Variants in FAM120C observed in about 807,000 individuals in gnomAD.
FAM120C encodes the protein constitutive coactivator of PPAR-gamma-like protein 2.
In FAM120C, 14 loss-of-function variants were observed where a neutral mutation model predicts 71.2. The ratio of observed to expected loss-of-function variants is 0.20; its 90% CI spans 0.13 to 0.31. The LOEUF (loss-of-function observed/expected upper bound fraction) is 0.31. Among genes scored for constraint, FAM120C ranks in the 10% least tolerant of loss-of-function variants. The pLI, the probability that FAM120C is intolerant of heterozygous loss-of-function variation, is 1.00. For synonymous variants in FAM120C, 354 were observed against 353.2 expected (o/e 1.00, Z -0.03); for missense variants, 500 against 879.0 (o/e 0.57, Z 5.45).
intron 4 of FAM120C, among the ~76,000 whole-genome samples, chrX:54,150,176 G>C (rs1328336431): frequency 2.7e-5 from 3 of 111,764 alleles, no homozygotes; most frequent in Non-Finnish European, 5.6e-5. Context: ...GAAAATATAG[G>C]TCAACAATCC....
intron 11 of FAM120C, 72 bp downstream of exon 11, chrX:54,091,239 GA>G (rs1159405323): frequency 1.0e-2 from 5,680 of 568,612 alleles, no homozygotes; most frequent in Admixed American, 0.015. Flanking sequence ...TCAGCTTCAG[GA>G]AAAAAAAAAG....
intron 1 of FAM120C, among the ~76,000 whole-genome samples, chrX:54,165,605 C>T (rs911479523): frequency 2.7e-5 from 3 of 109,509 alleles, no homozygotes; most frequent in Non-Finnish European, 3.8e-5. Flanking sequence ...GGTGAAACCC[C>T]GTCTCTACTA....
chrX:54,083,871 C>T (rs183260714), intron 13 of FAM120C, among the ~76,000 whole-genome samples: 282 of 110,630 alleles, frequency 2.5e-3, no homozygotes, highest in Admixed American at 8.8e-3. Flanking sequence ...AGGTGCCCGC[C>T]ACCATGCCCG....
rs1387074545 is a variant in FAM120C, at chrX:54,071,124, G to A, written c.*1909C>T. The stretch of plus-strand genomic sequence containing the variant: ...AAGAATATCACAAAGCCCAAAAGGA[G>A]GTATATGAGGCTGGAAGCCTCAATT... On this transcript the variant is annotated 3_prime_UTR_variant, in exon 16 of 16. Transcript: ENST00000375180. 4 of 112,152 alleles carry A rather than the reference G, an allele frequency of 3.6e-5. No homozygotes were observed. Among genetic ancestry groups the A allele is most frequent in the Non-Finnish European group, 7.5e-5 (4 of 53,227 alleles). 9.2% of individuals were successfully genotyped at this position (112,152 alleles called of 1,213,427 possible).
intron 10 of FAM120C, among the ~76,000 whole-genome samples, chrX:54,100,028 C>A (rs1275160157): frequency 8.9e-6 from 1 of 112,091 alleles, no homozygotes; most frequent in Non-Finnish European, 1.9e-5. Flanking sequence ...CCCAAACTCT[C>A]ATCTGTGAGC....
chrX:54,073,507 G>A, intron 15 of FAM120C, among the ~76,000 whole-genome samples: 1 of 108,428 alleles, frequency 9.2e-6, no homozygotes, highest in Non-Finnish European at 1.9e-5. Context: ...TCGGCTCACT[G>A]TAACCTCTGT....
intron 9 of FAM120C, among the ~76,000 whole-genome samples, chrX:54,128,780 G>C (rs1311433252): frequency 2.8e-5 from 3 of 108,232 alleles, no homozygotes; most frequent in African/African-American, 9.8e-5. Flanking sequence ...GAGAGCACAG[G>C]GTTGGGGGTA....
At chrX:54,103,412 A>G (rs1255044888) in intron 10 of FAM120C, among the ~76,000 whole-genome samples, 11 of 111,737 alleles carry the variant, frequency 9.8e-5, no homozygotes, top group Non-Finnish European at 2.1e-4. Flanking sequence ...TCCCTTTCCT[A>G]TCTCAAGGTC....
chrX:54,160,104 T>TA (rs782220454), intron 1 of FAM120C, among the ~76,000 whole-genome samples: 1 of 111,422 alleles, frequency 9.0e-6, no homozygotes, highest in African/African-American at 3.3e-5. Flanking sequence ...ACAATAACAT[T>TA]AGAGACTTCT....
chrX:54,175,921 A>C (rs1557136625), intron 1 of FAM120C, among the ~76,000 whole-genome samples: 1 of 111,891 alleles, frequency 8.9e-6, no homozygotes, highest in East Asian at 2.8e-4. Context: ...CCATTATGCT[A>C]CACAAACTAA....
intron 5 of FAM120C, 47 bp from the exon 6 acceptor site, chrX:54,135,651 T>C: frequency 2.9e-6 from 3 of 1,047,978 alleles, no homozygotes; most frequent in Non-Finnish European, 4.0e-6. Flanking sequence ...CTAATAATTT[T>C]ACCATGTTAT....
Position 54,072,158 on chromosome X carries a change from T to TTC in FAM120C, c.*873_*874dup, listed in dbSNP as rs1491333318. On this transcript the variant is annotated 3_prime_UTR_variant, in exon 16 of 16. Coordinates refer to ENST00000375180, the MANE Select transcript of FAM120C (RefSeq NM_017848.6). ...ACCCACACCCACACACAAGCACACATTCACACACACACACACACACACACA... is the reference window on the plus strand; with the variant it reads ...ACCCACACCCACACACAAGCACACATTCTCACACACACACACACACACACACA... The TTC allele has an allele frequency of 1.7e-4, 2 of 12,102 alleles. No individual in the cohort carries two copies. Among genetic ancestry groups the TTC allele is most frequent in the Non-Finnish European group, 3.7e-4 (2 of 5,365 alleles). 1.0% of individuals were successfully genotyped at this position (12,102 alleles called of 1,213,427 possible).
intron 10 of FAM120C, among the ~76,000 whole-genome samples, chrX:54,113,916 C>CA (rs1166351938): frequency 9.4e-6 from 1 of 106,896 alleles, no homozygotes; most frequent in Non-Finnish European, 1.9e-5. Context: ...AACTCCATCT[C>CA]AAAAAAAAGA....
At chrX:54,170,890 C>A (rs1232391314) in intron 1 of FAM120C, among the ~76,000 whole-genome samples, 1 of 111,665 alleles carries the variant, frequency 9.0e-6, no homozygotes, top group African/African-American at 3.3e-5. Flanking sequence ...CAAATCTTCA[C>A]GACTGAGAAG....
At chrX:54,082,399 CCTAAA>C (rs1211001289) in intron 13 of FAM120C, among the ~76,000 whole-genome samples, 1 of 109,980 alleles carries the variant, frequency 9.1e-6, no homozygotes, top group Non-Finnish European at 1.9e-5. Context: ...AAATTACAAG[CCTAAA>C]CTACTCTTTT....
intron 15 of FAM120C, among the ~76,000 whole-genome samples, chrX:54,080,030 G>A (rs782569136): frequency 1.8e-5 from 2 of 110,404 alleles, no homozygotes; most frequent in African/African-American, 6.6e-5. Context: ...ACTCGGAAAA[G>A]GGTAAGACTC....
At chrX:54,087,071 T>C (rs1332652434) in intron 12 of FAM120C, among the ~76,000 whole-genome samples, 3 of 110,293 alleles carry the variant, frequency 2.7e-5, no homozygotes, top group Admixed American at 9.9e-5. Flanking sequence ...AAAAATCCCT[T>C]TGGGAGGCCA....
At position 54,182,850 on chromosome X, in the gene FAM120C, G is replaced by A. The variant is rs1557137633; in HGVS notation, c.349C>T (p.Arg117Trp). 1 of 1,161,233 alleles carries A rather than the reference G, an allele frequency of 8.6e-7. No individual in the cohort carries two copies. Among genetic ancestry groups the A allele is most frequent in the Non-Finnish European group, 1.1e-6 (1 of 872,542 alleles). ...PPPPPQLPGA[R>W]VLVDAGSALP... ...GCCGAGCCGGCGTCCACCAGCACCC[G>A]GGCCCCGGGCAGCTGAGGGGGCGGC... is the stretch of plus-strand genomic sequence containing the variant. Residue 117 changes from arginine to tryptophan, a missense_variant, in exon 1 of 16, where the codon CGG (arginine) becomes TGG (tryptophan). Transcript: ENST00000375180.
intron 15 of FAM120C, among the ~76,000 whole-genome samples, chrX:54,073,895 G>A (rs1358594520): frequency 1.8e-5 from 2 of 110,653 alleles, no homozygotes; most frequent in Admixed American, 9.7e-5. Context: ...CTGCGATCCT[G>A]GCTCACTGCA....
Sources: gnomAD v4.1 joint callset for allele counts (sites outside exome capture counted in the v4.1 genomes callset) on GRCh38, gnomAD v4.1.1 for gene constraint, MANE v1.5 for transcripts, NCBI Gene and HGNC (gene_info 2026-07-23, HGNC 2026-07-21) for gene names.